VAV3: variants seen among roughly 807,000 people sequenced by gnomAD.
VAV3 encodes the protein vav guanine nucleotide exchange factor 3, also known as guanine nucleotide exchange factor VAV3.
VAV3 carries 94 observed loss-of-function variants against 131.2 expected under a neutral mutation model. That is an observed-to-expected ratio of 0.72 (90% CI 0.61 to 0.85). The LOEUF (loss-of-function observed/expected upper bound fraction) is 0.85, where lower values mean the gene tolerates loss of function less well. VAV3 is among the 40% of genes least tolerant of loss of function. The pLI is 0.00. For synonymous variants in VAV3, 349 were observed against 342.0 expected, an observed-to-expected ratio of 1.02 and a Z score of -0.22; for missense variants, 939 against 1,002.7, an observed-to-expected ratio of 0.94 and a Z score of 0.86.
chr1:107,958,846 C>G (rs1442598385), intron 1 of VAV3, among the ~76,000 whole-genome samples: 1 of 151,984 alleles, frequency 6.6e-6, no homozygotes, highest in Non-Finnish European at 1.5e-5. Flanking sequence ...TCTCATTCTT[C>G]ATATATAGAT....
In VAV3 at chr1:107,964,832, T is replaced by C. The variant is rs1474613129; in HGVS notation, c.38A>G (p.His13Arg). Residue 13 changes from histidine to arginine, a missense_variant, in exon 1 of 27, where the codon CAT becomes CGT. Coordinates refer to ENST00000370056, the MANE Select transcript of VAV3 (RefSeq NM_006113.5). ...PWKQCAQWLI[H>R]CKVLPTNHRV... ...GTGGTTGGTGGGCAGCACCTTGCAA[T>C]GGATGAGCCACTGCGCGCACTGCTT... is the stretch of plus-strand genomic sequence containing the variant. The C allele has an allele frequency of 1.4e-5, 22 of 1,612,364 alleles. No homozygotes were observed. The highest frequency in any genetic ancestry group is 1.8e-5 in the Non-Finnish European group (21 of 1,179,344).
chr1:107,625,557 GT>G (rs1653953647), intron 20 of VAV3, among the ~76,000 whole-genome samples: 1 of 152,134 alleles, frequency 6.6e-6, no homozygotes, highest in Non-Finnish European at 1.5e-5. Context: ...ATGAGCCACT[GT>G]GCCAGGCCAG....
In VAV3 at chr1:107,796,066, T is replaced by A. The variant is rs534600014; in HGVS notation, c.322-16574A>T. 3.9e-5 allele frequency among the ~76,000 whole-genome samples: 6 copies of A among 152,262 alleles called. No individual in the cohort carries two copies. The South Asian group carries it at 1.2e-3, about 32-fold the overall frequency. Reference sequence around the variant, plus strand: ...TAAAACAGAAAAGCTTAATCTTTTTTTTTTTCAGGTCACATGAAAAAGTCC... The same window carrying A: ...TAAAACAGAAAAGCTTAATCTTTTTATTTTTCAGGTCACATGAAAAAGTCC... On this transcript the variant is annotated intron_variant, in intron 2 of 26. Transcript: ENST00000370056.
intron 2 of VAV3, among the ~76,000 whole-genome samples, chr1:107,868,957 T>C (rs1353505116): frequency 6.6e-6 from 1 of 152,196 alleles, no homozygotes; most frequent in Admixed American, 6.5e-5. Flanking sequence ...AGGGTGTCAC[T>C]AGGTTCATCT....
intron 19 of VAV3, among the ~76,000 whole-genome samples, chr1:107,671,881 C>T (rs1657825684): frequency 6.6e-6 from 1 of 152,068 alleles, no homozygotes; most frequent in African/African-American, 2.4e-5. Context: ...ATGCTTTGCA[C>T]AAGATAACTT....
At chr1:107,922,906 C>T (rs1274433495) in intron 1 of VAV3, among the ~76,000 whole-genome samples, 2 of 149,016 alleles carry the variant, frequency 1.3e-5, no homozygotes, top group Admixed American at 6.7e-5. Context: ...GAGCCGAGAT[C>T]GCGCCACTGC....
intron 1 of VAV3, among the ~76,000 whole-genome samples, chr1:107,952,491 CAT>C (rs1674601841): frequency 4.1e-5 from 1 of 24,598 alleles, no homozygotes. Flanking sequence ...TATATACACA[CAT>C]AAATTCAACC....
At chr1:107,874,274 G>C (rs1329771345) in intron 2 of VAV3, among the ~76,000 whole-genome samples, 1 of 152,094 alleles carries the variant, frequency 6.6e-6, no homozygotes, top group Non-Finnish European at 1.5e-5. Flanking sequence ...TATTATACAT[G>C]TGTTTAGTGT....
At chr1:107,942,117 T>C (rs1674021262) in intron 1 of VAV3, among the ~76,000 whole-genome samples, 1 of 152,182 alleles carries the variant, frequency 6.6e-6, no homozygotes, top group Non-Finnish European at 1.5e-5. Context: ...ACCTTGAAAC[T>C]CAGTGAATTC....
chr1:107,780,419 T>C (rs1343619083), intron 2 of VAV3, among the ~76,000 whole-genome samples: 1 of 152,204 alleles, frequency 6.6e-6, no homozygotes, highest in East Asian at 1.9e-4. Context: ...GCTAGCAACT[T>C]TACCCTTCCT....
At chr1:107,724,883 T>C (rs1661740315) in intron 15 of VAV3, among the ~76,000 whole-genome samples, 2 of 22,182 alleles carry the variant, frequency 9.0e-5, no homozygotes, top group Admixed American at 1.2e-3. Context: ...GTAAATGCCA[T>C]TTGTGCATAT....
At chr1:107,816,986 C>A (rs1299627165) in intron 2 of VAV3, among the ~76,000 whole-genome samples, 1 of 152,156 alleles carries the variant, frequency 6.6e-6, no homozygotes, top group Non-Finnish European at 1.5e-5. Flanking sequence ...GTTCAGTATA[C>A]CACACACCCT....
intron 19 of VAV3, among the ~76,000 whole-genome samples, chr1:107,646,997 C>G (rs912036258): frequency 2.0e-5 from 3 of 151,206 alleles, no homozygotes; most frequent in Non-Finnish European, 3.0e-5. Flanking sequence ...TAAGTAGAAC[C>G]CTATTAGAAA....
intron 19 of VAV3, among the ~76,000 whole-genome samples, chr1:107,656,847 A>G (rs1337993117): frequency 6.6e-6 from 1 of 152,074 alleles, no homozygotes; most frequent in Non-Finnish European, 1.5e-5. Flanking sequence ...GAAAAAGAGT[A>G]AACATTACTC....
chr1:107,964,775 T>G lies in VAV3; in HGVS notation c.95A>C (p.Asp32Ala), dbSNP rs1675344892. The G allele has an allele frequency of 1.2e-6, 2 of 1,613,810 alleles. No homozygotes were observed. Among genetic ancestry groups the G allele is most frequent in the Non-Finnish European group, 1.7e-6 (2 of 1,179,984 alleles). The change falls in exon 1 of 27, where the codon GAC (aspartate) becomes GCC (alanine). Residue 32 changes from aspartate to alanine, a missense_variant. Physicochemically the swap from Asp to Ala is moderately radical, Grantham distance 126. Transcript: ENST00000370056. ...RVTWDSAQVF[D>A]LAQTLRDGVL... ...TCCATCGCGGAGGGTCTGCGCAAGG[T>G]CGAACACCTGAGCCGAGTCCCAGGT... is the stretch of plus-strand genomic sequence containing the variant.
intron 2 of VAV3, among the ~76,000 whole-genome samples, chr1:107,873,554 A>G (rs1405994862): frequency 6.6e-6 from 1 of 152,174 alleles, no homozygotes; most frequent in Non-Finnish European, 1.5e-5. Flanking sequence ...TTCAGGGCCA[A>G]CAGCTTAGAG....
chr1:107,875,087 C>T, intron 1 of VAV3, 70 bp from the exon 2 acceptor site: 2 of 1,260,816 alleles, frequency 1.6e-6, no homozygotes, highest in Middle Eastern at 1.9e-4. Context: ...CTGTAACACT[C>T]AAGACTGCTC....
At chr1:107,573,433 C>T in intron 26 of VAV3, 61 bp from the exon 27 acceptor site, 2 of 1,598,660 alleles carry the variant, frequency 1.3e-6, no homozygotes, top group Admixed American at 1.7e-5. Context: ...TCAAAGGATT[C>T]TACAAACAGA....
At chr1:107,617,338 G>A (rs1176361819) in intron 21 of VAV3, among the ~76,000 whole-genome samples, 2 of 151,978 alleles carry the variant, frequency 1.3e-5, no homozygotes, top group Non-Finnish European at 2.9e-5. Context: ...AGACTACTTA[G>A]TTATATAAAT....
Sources: allele counts gnomAD v4.1 joint callset (sites outside exome capture counted in the v4.1 genomes callset), GRCh38; gene constraint gnomAD v4.1.1; transcripts MANE v1.5; gene names NCBI Gene and HGNC (gene_info 2026-07-23, HGNC 2026-07-21).